TERB2: variants seen among roughly 807,000 people sequenced by gnomAD.
TERB2 encodes telomere repeats-binding bouquet formation protein 2.
Under a neutral mutation model 29.8 loss-of-function variants are expected in TERB2, and 26 were observed. That is an observed-to-expected ratio of 0.87 (90% CI 0.64 to 1.21). The LOEUF (loss-of-function observed/expected upper bound fraction) is 1.21, where lower values mean the gene tolerates loss of function less well. TERB2 is among the 50% of genes most tolerant of loss of function. The pLI, the probability that TERB2 is intolerant of heterozygous loss-of-function variation, is 0.00. For synonymous variants in TERB2, 80 were observed against 90.8 expected (o/e 0.88, Z 0.68); for missense variants, 240 against 268.6 (o/e 0.89, Z 0.74).
chr15:44,961,502 G>A, intron 3 of TERB2, 21 bp from the exon 4 acceptor site: 1 of 1,557,216 alleles, frequency 6.4e-7, no homozygotes, highest in East Asian at 2.3e-5. Context: ...AACAGTATTG[G>A]ATTTGTTTTT....
In TERB2 at chr15:44,978,594, T is replaced by G; in HGVS notation, c.629T>G (p.Met210Arg). 1 of 1,604,294 alleles carries G rather than the reference T, an allele frequency of 6.2e-7. No homozygotes were observed. The highest frequency in any genetic ancestry group is 1.1e-5 in the South Asian group (1 of 88,626). ...LAYHVQNEINMSAIKNKLKRK is the reference protein window; with the variant it reads ...LAYHVQNEINRSAIKNKLKRK Reference sequence around the variant, plus strand: ...TATCATGTTCAAAATGAAATTAATATGTCTGCTATAAAAAACAAATTGAAG... The same window carrying G: ...TATCATGTTCAAAATGAAATTAATAGGTCTGCTATAAAAAACAAATTGAAG... The change falls in exon 7 of 7, where the codon ATG (methionine) becomes AGG (arginine). Residue 210 changes from methionine to arginine, a missense_variant. By Grantham distance (91) the Met-to-Arg change is moderately conservative. Coordinates refer to ENST00000340827, the MANE Select transcript of TERB2 (RefSeq NM_152448.3).
At chr15:44,965,943 G>T (rs1046529769) in intron 4 of TERB2, among the ~76,000 whole-genome samples, 1 of 151,916 alleles carries the variant, frequency 6.6e-6, no homozygotes, top group South Asian at 2.1e-4. Flanking sequence ...TCTTCTTTAT[G>T]TGTCTCCAAA....
intron 5 of TERB2, among the ~76,000 whole-genome samples, chr15:44,971,831 C>T (rs1027006114): frequency 1.3e-5 from 2 of 151,904 alleles, no homozygotes; most frequent in East Asian, 1.9e-4. Flanking sequence ...TCATCCCCCC[C>T]CCTCCTTTTT....
chr15:44,966,474 C>T (rs1009086624), intron 5 of TERB2, among the ~76,000 whole-genome samples: 4 of 151,922 alleles, frequency 2.6e-5, no homozygotes, highest in African/African-American at 4.8e-5. Context: ...AGTCAGAGCC[C>T]ATTATTTAAA....
chr15:44,965,972 A>ATG (rs1455115192), intron 4 of TERB2, among the ~76,000 whole-genome samples, 186 bp from the exon 5 acceptor site: 3 of 152,202 alleles, frequency 2.0e-5, no homozygotes, highest in Admixed American at 1.3e-4. Flanking sequence ...GTATAATTAT[A>ATG]TGTGTGTGTG....
Position 44,961,530 on chromosome 15 carries a change from A to C in TERB2, c.294A>C (p.Arg98Ser). 6.3e-7 allele frequency: 1 copy of C among 1,594,258 alleles called. No individual in the cohort carries two copies. The highest frequency in any genetic ancestry group is 8.5e-7 in the Non-Finnish European group (1 of 1,171,262). ...LPPACLQKEI[R>S]RKIGSFIWEQ... Reference sequence around the variant, plus strand: ...TTGTTTTTCTCACCACAGAAATAAGAAGAAAAATTGGTAGTTTTATTTGGG... The same window carrying C: ...TTGTTTTTCTCACCACAGAAATAAGCAGAAAAATTGGTAGTTTTATTTGGG... Residue 98 changes from arginine to serine, a missense_variant, in exon 4 of 7, where the codon AGA (arginine) becomes AGC (serine). Arg to Ser is a moderately radical substitution (Grantham distance 110, BLOSUM62 -1). Coordinates refer to ENST00000340827, the MANE Select transcript of TERB2 (RefSeq NM_152448.3).
At chr15:44,965,153 ACT>A (rs1419751665) in intron 4 of TERB2, among the ~76,000 whole-genome samples, 15 of 109,740 alleles carry the variant, frequency 1.4e-4, no homozygotes, top group African/African-American at 5.1e-4. Context: ...ACAGAGCAAG[ACT>A]CTGTCTCAAA....
intron 5 of TERB2, among the ~76,000 whole-genome samples, chr15:44,969,707 T>C (rs35314045): frequency 0.18 from 27,788 of 151,036 alleles, 3,084 homozygotes; most frequent in East Asian, 0.35. Flanking sequence ...GGCAGGAGGA[T>C]TGCTTAAGCC....
intron 3 of TERB2, 60 bp from the exon 4 acceptor site, chr15:44,961,463 T>G: frequency 8.0e-7 from 1 of 1,253,200 alleles, no homozygotes; most frequent in South Asian, 1.3e-5. Context: ...TTAAGCAAAA[T>G]TCAGAAGATT....
chr15:44,969,425 T>G (rs529434370), intron 5 of TERB2, among the ~76,000 whole-genome samples: 42 of 152,192 alleles, frequency 2.8e-4, no homozygotes, highest in Non-Finnish European at 4.6e-4. Context: ...ATTTTTTTTT[T>G]GTCAAGATGG....
chr15:44,963,121 T>C (rs1891832730), intron 4 of TERB2, among the ~76,000 whole-genome samples: 1 of 152,166 alleles, frequency 6.6e-6, no homozygotes, highest in African/African-American at 2.4e-5. Context: ...AATTTAATAA[T>C]TGATTTAGAT....
intron 2 of TERB2, among the ~76,000 whole-genome samples, chr15:44,957,226 CATAA>C (rs1300573521): frequency 6.7e-6 from 1 of 149,288 alleles, no homozygotes; most frequent in African/African-American, 2.5e-5. Context: ...AAAAAAAAAA[CATAA>C]ATAAAGTAAT....
chr15:44,963,934 C>T (rs1891845424), intron 4 of TERB2, among the ~76,000 whole-genome samples: 1 of 151,298 alleles, frequency 6.6e-6, no homozygotes, highest in African/African-American at 2.4e-5. Flanking sequence ...CCTCAGCCTC[C>T]CGAGTAGCTG....
chr15:44,963,218 A>C (rs920209438), intron 4 of TERB2, among the ~76,000 whole-genome samples: 12 of 152,240 alleles, frequency 7.9e-5, no homozygotes, highest in Admixed American at 2.0e-4. Flanking sequence ...GCGTATCTTT[A>C]CAATGGAGCG....
intron 6 of TERB2, among the ~76,000 whole-genome samples, chr15:44,978,239 G>A (rs1892073144): frequency 1.3e-5 from 2 of 152,124 alleles, no homozygotes; most frequent in South Asian, 4.1e-4. Flanking sequence ...AATCTCAATA[G>A]TCAAAGCAGC....
chr15:44,978,680 G>T lies in TERB2; in HGVS notation c.*52G>T. 2 of 1,442,620 alleles carry T rather than the reference G, an allele frequency of 1.4e-6. No individual in the cohort carries two copies. The highest frequency in any genetic ancestry group is 3.4e-5 in the South Asian group (2 of 58,378). 89.4% of individuals were successfully genotyped at this position (1,442,620 alleles called of 1,614,324 possible). On this transcript the variant is annotated 3_prime_UTR_variant, in exon 7 of 7. Coordinates refer to ENST00000340827, the MANE Select transcript of TERB2 (RefSeq NM_152448.3). Reference sequence around the variant, plus strand: ...TTTATTTTCTATAAAATATTATACAGATGTGCATATCATAAAATGCTCCCT... The same window carrying T: ...TTTATTTTCTATAAAATATTATACATATGTGCATATCATAAAATGCTCCCT...
chr15:44,968,311 G>A (rs972902881), intron 5 of TERB2, among the ~76,000 whole-genome samples: 6 of 152,096 alleles, frequency 3.9e-5, no homozygotes, highest in Non-Finnish European at 8.8e-5. Context: ...TGCCTCCTGG[G>A]TTCAAGCAAT....
chr15:44,966,091 A>G (rs1416074208), intron 4 of TERB2, 67 bp from the exon 5 acceptor site: 3 of 866,884 alleles, frequency 3.5e-6, no homozygotes, highest in African/African-American at 3.6e-5. Context: ...TTCCTTTTTA[A>G]AAACATTACT....
rs1352128932 is a variant in TERB2 at position 44,978,724 on chromosome 15, T to A, written c.*96T>A. 3 of 1,301,784 alleles carry A rather than the reference T, an allele frequency of 2.3e-6. No individual in the cohort carries two copies. Among genetic ancestry groups the A allele is most frequent in the Non-Finnish European group, 2.0e-6 (2 of 1,004,884 alleles). 80.6% of individuals were successfully genotyped at this position (1,301,784 alleles called of 1,614,324 possible). On this transcript the variant is annotated 3_prime_UTR_variant, in exon 7 of 7. Transcript: ENST00000340827. ...GCTCCCTTTTGGTACTGGGGGATAG[T>A]GAAATGGGAAATAATTTTTCTGTTT...
Sources: allele counts gnomAD v4.1 joint callset (sites outside exome capture counted in the v4.1 genomes callset), GRCh38; gene constraint gnomAD v4.1.1; transcripts MANE v1.5; gene names NCBI Gene and HGNC (gene_info 2026-07-23, HGNC 2026-07-21).